Variants in PTBP1 observed in about 807,000 individuals in gnomAD.
PTBP1 encodes the protein polypyrimidine tract-binding protein 1.
PTBP1 carries 8 observed loss-of-function variants against 59.8 expected under a neutral mutation model. That is an observed-to-expected ratio of 0.13 (90% CI 0.08 to 0.24). The LOEUF (loss-of-function observed/expected upper bound fraction) is 0.24. Among genes scored for constraint, PTBP1 ranks in the 10% least tolerant of loss-of-function variants. The pLI, the probability that PTBP1 is intolerant of heterozygous loss-of-function variation, is 1.00. For synonymous variants in PTBP1, 490 were observed against 320.7 expected (o/e 1.53, Z -5.64); for missense variants, 686 against 767.0 (o/e 0.89, Z 1.25).
chr19:806,095 G>A (rs907410731), intron 9 of PTBP1: 5 of 317,942 alleles, frequency 1.6e-5, no homozygotes, highest in Non-Finnish European at 2.9e-5. Flanking sequence ...TCCCGGGACG[G>A]GCCCTGCTTG....
At chr19:807,750 C>A in intron 10 of PTBP1, 119 bp from the exon 11 acceptor site, 1 of 741,946 alleles carries the variant, frequency 1.3e-6, no homozygotes, top group Non-Finnish European at 2.4e-6. Flanking sequence ...ACTTCATCAT[C>A]CATCAACCAC....
intron 13 of PTBP1, among the ~76,000 whole-genome samples, chr19:810,341 C>G (rs2034799048): frequency 6.6e-6 from 1 of 152,056 alleles, no homozygotes; most frequent in South Asian, 2.1e-4. Flanking sequence ...TACTCTGTTT[C>G]TGCAAACTTG....
intron 2 of PTBP1, among the ~76,000 whole-genome samples, chr19:802,244 G>T (rs4986234): frequency 0.054 from 8,154 of 152,308 alleles, 276 homozygotes; most frequent in Middle Eastern, 0.13. Flanking sequence ...GGAGGCAGCT[G>T]TGGGGCTTTG....
chr19:809,224 A>G (rs62131355), intron 13 of PTBP1, among the ~76,000 whole-genome samples: 7,399 of 151,978 alleles, frequency 0.049, 247 homozygotes, highest in Middle Eastern at 0.13. Context: ...GGCCAGGCTG[A>G]TCTTGATCTC....
intron 1 of PTBP1, among the ~76,000 whole-genome samples, chr19:799,129 T>A (rs1018970359): frequency 1.3e-5 from 2 of 152,252 alleles, no homozygotes; most frequent in Non-Finnish European, 2.9e-5. Context: ...GGTGTCTTTG[T>A]CTTGGAACGT....
Position 804,590 on chromosome 19 carries a change from C to T in PTBP1, c.494C>T (p.Ala165Val), listed in dbSNP as rs546374295. 2 of 1,611,336 alleles carry T rather than the reference C, an allele frequency of 1.2e-6. No individual in the cohort carries two copies. The highest frequency in any genetic ancestry group is 1.1e-5 in the South Asian group (1 of 91,024). Residue 165 changes from alanine (A) to valine (V), a missense_variant, in exon 6 of 15, where the codon GCT becomes GTT. Coordinates refer to ENST00000356948, the MANE Select transcript of PTBP1 (RefSeq NM_002819.5). ...GTCCAGTCGGGGAACCTGGCCTTGG[C>T]TGCCTCGGCGGCGGCCGTGGACGCA... ...NSVQSGNLAL[A>V]ASAAAVDAGM...
intron 1 of PTBP1, chr19:798,298 C>G (rs1184245697): frequency 6.6e-6 from 1 of 152,116 alleles, no homozygotes; most frequent in Non-Finnish European, 1.5e-5. Context: ...GGCGGGCTTC[C>G]CTTGGGAGAG....
At chr19:809,164 A>G (rs924906094) in intron 13 of PTBP1, among the ~76,000 whole-genome samples, 1 of 151,516 alleles carries the variant, frequency 6.6e-6, no homozygotes, top group African/African-American at 2.4e-5. Context: ...ACCCACAACC[A>G]CACCTGGCTA....
In PTBP1 at chr19:812,309, C is replaced by T. The variant is rs114903089; in HGVS notation, c.*1483C>T. 92 of 160,880 alleles carry T rather than the reference C, an allele frequency of 5.7e-4. No homozygotes were observed. Among genetic ancestry groups the T allele is most frequent in the African/African-American group, 2.1e-3 (87 of 41,732 alleles). 10.0% of individuals were successfully genotyped at this position (160,880 alleles called of 1,614,324 possible). On this transcript the variant is annotated 3_prime_UTR_variant, in exon 15 of 15. Transcript: ENST00000356948. ...TGGACTTCGAATAAATCTTCTGTAT[C>T]CTCGCTCCGTTCCGCCTTCGTTGCT...
At chr19:803,918 C>T in intron 3 of PTBP1, 118 bp from the exon 4 acceptor site, 3 of 1,235,972 alleles carry the variant, frequency 2.4e-6, no homozygotes, top group South Asian at 2.7e-5. Flanking sequence ...TTCACATGCA[C>T]CCTCCTGGGG....
intron 13 of PTBP1, 52 bp from the exon 14 acceptor site, chr19:810,491 G>C: frequency 6.6e-7 from 1 of 1,525,914 alleles, no homozygotes. Context: ...GGACCTGACT[G>C]GGCGCCCCCA....
At chr19:797,921 C>T (rs911171624) in intron 1 of PTBP1, among the ~76,000 whole-genome samples, 4 of 148,906 alleles carry the variant, frequency 2.7e-5, no homozygotes, top group South Asian at 2.1e-4. Context: ...GTCGCGCGTC[C>T]CCGTTGGCCC....
intron 2 of PTBP1, among the ~76,000 whole-genome samples, chr19:802,615 T>C (rs1481618844): frequency 6.6e-6 from 1 of 152,218 alleles, no homozygotes; most frequent in Non-Finnish European, 1.5e-5. Context: ...TGGGCGTTGC[T>C]GCCCTCAGCG....
At chr19:799,470 G>T (rs1230125870) in intron 2 of PTBP1, 27 bp downstream of exon 2, 1 of 1,612,530 alleles carries the variant, frequency 6.2e-7, no homozygotes, top group East Asian at 2.2e-5. Context: ...TTGCTTCTCC[G>T]TGACGCTCCT....
Position 804,221 on chromosome 19 carries a change from C to T in PTBP1, c.288+13C>T, listed in dbSNP as rs1416130769. 6.8e-6 allele frequency: 11 copies of T among 1,606,398 alleles called. 1 individual carries two copies. Among genetic ancestry groups the T allele is most frequent in the Admixed American group, 1.7e-5 (1 of 59,450 alleles). On this transcript the variant is annotated intron_variant, in intron 4 of 14. Coordinates refer to ENST00000356948, the MANE Select transcript of PTBP1 (RefSeq NM_002819.5). ...GGGGAAAAACCAGGTACCTGAGCCG[C>T]GTTTCTCCGGGGTGCTCACACCGTG... is the stretch of plus-strand genomic sequence containing the variant.
chr19:808,276 TG>T lies in PTBP1; in HGVS notation c.1154-79del, dbSNP rs1292732295. The T allele has an allele frequency of 1.2e-4, 136 of 1,152,744 alleles. No homozygotes were observed. Among genetic ancestry groups the T allele is most frequent in the African/African-American group, 3.1e-5 (2 of 65,104 alleles). 71.4% of individuals were successfully genotyped at this position (1,152,744 alleles called of 1,614,324 possible). On this transcript the variant is annotated intron_variant, in intron 11 of 14. Transcript: ENST00000356948. This position sits in a 1 kb window ranked among gnomAD's most constrained non-coding sequence, Gnocchi z 4.7. ...CCCGGCCGGGCTGAGCCGGGCCTTG[TG>T]GGGGTGCGCGGGGCCGGGGCTGACG...
chr19:809,143 G>T lies in PTBP1; in HGVS notation c.1463+381G>T, dbSNP rs1260384156. Among the ~76,000 whole-genome samples the T allele has an allele frequency of 2.6e-5, 4 of 151,876 alleles. No homozygotes were observed. In the East Asian group the frequency reaches 7.7e-4, roughly 29 times the overall value. On this transcript the variant is annotated intron_variant, in intron 13 of 14. Coordinates refer to ENST00000356948, the MANE Select transcript of PTBP1 (RefSeq NM_002819.5). Reference sequence around the variant, plus strand: ...GCCACCTCAGCTTCCCGAGTAGCTGGGACTGTAGGCACCCACAACCACACC... The same window carrying T: ...GCCACCTCAGCTTCCCGAGTAGCTGTGACTGTAGGCACCCACAACCACACC...
intron 8 of PTBP1, 71 bp from the exon 9 acceptor site, chr19:805,421 C>T: frequency 6.9e-7 from 1 of 1,459,802 alleles, no homozygotes; most frequent in Non-Finnish European, 9.6e-7. Context: ...GGTTGGGGCC[C>T]ATCCCGCAGC....
intron 1 of PTBP1, 196 bp from the exon 2 acceptor site, chr19:799,217 C>T (rs556066230): frequency 7.4e-6 from 5 of 678,364 alleles, no homozygotes; most frequent in Non-Finnish European, 1.3e-5. Flanking sequence ...GGCCCCTTTT[C>T]AAGTTGCAGT....
Sources: gnomAD v4.1 joint callset for allele counts (sites outside exome capture counted in the v4.1 genomes callset) on GRCh38, gnomAD v4.1.1 for gene constraint, Gnocchi (gnomAD v3.1) non-coding constraint, MANE v1.5 for transcripts, NCBI Gene and HGNC (gene_info 2026-07-23, HGNC 2026-07-21) for gene names.